RAB31: variants seen among roughly 807,000 people sequenced by gnomAD.
The protein encoded by RAB31 is RAB31, member RAS oncogene family.
RAB31 carries 21 observed loss-of-function variants against 25.6 expected under a neutral mutation model. The ratio of observed to expected loss-of-function variants is 0.82; its 90% CI spans 0.58 to 1.18. RAB31 has a LOEUF of 1.18. Among genes scored for constraint, RAB31 ranks in the 50% most tolerant of loss-of-function variants. The pLI is 0.00. For synonymous variants in RAB31, 87 were observed against 84.0 expected (o/e 1.04, Z -0.20); for missense variants, 196 against 250.1 (o/e 0.78, Z 1.46).
chr18:9,808,868 G>C (rs1174973694), intron 3 of RAB31, among the ~76,000 whole-genome samples: 1 of 152,190 alleles, frequency 6.6e-6, no homozygotes, highest in East Asian at 1.9e-4. Context: ...GTGCTTGTTG[G>C]GAAACTTCAT....
intron 3 of RAB31, among the ~76,000 whole-genome samples, chr18:9,803,120 C>A (rs1359634442): frequency 6.6e-6 from 1 of 152,156 alleles, no homozygotes; most frequent in Non-Finnish European, 1.5e-5. Flanking sequence ...CACCAGCCCA[C>A]GATAGAACGT....
chr18:9,856,239 T>C (rs1412701218), intron 6 of RAB31: 6 of 152,202 alleles, frequency 3.9e-5, no homozygotes, highest in African/African-American at 1.4e-4. Flanking sequence ...GGGAGTCTTC[T>C]TGAGACAGAG....
intron 6 of RAB31, among the ~76,000 whole-genome samples, chr18:9,846,175 C>G (rs1028867308): frequency 1.3e-5 from 2 of 152,164 alleles, no homozygotes; most frequent in Admixed American, 6.5e-5. Context: ...TTGGCGTGTA[C>G]AGGTACCCCA....
At chr18:9,748,142 G>A (rs2068215001) in intron 1 of RAB31, among the ~76,000 whole-genome samples, 1 of 152,152 alleles carries the variant, frequency 6.6e-6, no homozygotes, top group Non-Finnish European at 1.5e-5. Context: ...ATTAGGTGAT[G>A]GTCATTCTAA....
intron 1 of RAB31, among the ~76,000 whole-genome samples, chr18:9,711,824 TA>T: frequency 1.3e-5 from 2 of 152,350 alleles, no homozygotes; most frequent in East Asian, 3.9e-4. Flanking sequence ...ATAGACTTCA[TA>T]ACAAAATATC....
intron 1 of RAB31, among the ~76,000 whole-genome samples, chr18:9,772,564 G>A (rs1185566396): frequency 6.6e-6 from 1 of 152,226 alleles, no homozygotes; most frequent in Admixed American, 6.5e-5. Flanking sequence ...GAAAGGGAGG[G>A]TTTGGGGAAT....
At chr18:9,754,937 A>T (rs2068253508) in intron 1 of RAB31, among the ~76,000 whole-genome samples, 1 of 152,190 alleles carries the variant, frequency 6.6e-6, no homozygotes, top group African/African-American at 2.4e-5. Flanking sequence ...GGCACTTGTC[A>T]CAGGATTGCA....
rs549479804 is a variant in RAB31 at position 9,777,559 on chromosome 18, G to C, written c.119+2202G>C. 2.2e-4 allele frequency among the ~76,000 whole-genome samples: 33 copies of C among 152,186 alleles called. 2 individuals are homozygous for C. The South Asian group carries it at 5.8e-3, about 27-fold the overall frequency. On this transcript the variant is annotated intron_variant, in intron 2 of 6. Transcript: ENST00000578921. ...GAAGAAATTGGTTTCACTCTGCTCT[G>C]AATGTACTTTTTTCTCTCTCTCTCT...
chr18:9,844,650 A>G (rs1329493749), intron 5 of RAB31: 1 of 152,198 alleles, frequency 6.6e-6, no homozygotes, highest in Non-Finnish European at 1.5e-5. Context: ...ACTGGCATGC[A>G]GCAGCTGCTG....
intron 1 of RAB31, among the ~76,000 whole-genome samples, chr18:9,744,403 A>G (rs1379705068): frequency 6.6e-6 from 1 of 152,114 alleles, no homozygotes; most frequent in Non-Finnish European, 1.5e-5. Flanking sequence ...CTCCATATAT[A>G]CTTATGCTTC....
At chr18:9,718,688 C>T (rs1443505315) in intron 1 of RAB31, among the ~76,000 whole-genome samples, 2 of 152,150 alleles carry the variant, frequency 1.3e-5, no homozygotes, top group Non-Finnish European at 2.9e-5. Flanking sequence ...AAATGTATTT[C>T]CTTCAGTTCT....
chr18:9,772,869 T>C (rs1470084371), intron 1 of RAB31, among the ~76,000 whole-genome samples: 1 of 151,864 alleles, frequency 6.6e-6, no homozygotes, highest in Non-Finnish European at 1.5e-5. Context: ...AAGGATTTGC[T>C]CCTCCACAGG....
At chr18:9,826,577 C>T (rs1413528989) in intron 5 of RAB31, among the ~76,000 whole-genome samples, 2 of 152,170 alleles carry the variant, frequency 1.3e-5, no homozygotes, top group Non-Finnish European at 2.9e-5. Context: ...TGAGGCTACC[C>T]TATTTAGCTT....
At chr18:9,808,897 C>T (rs1313353617) in intron 3 of RAB31, among the ~76,000 whole-genome samples, 3 of 152,224 alleles carry the variant, frequency 2.0e-5, no homozygotes, top group Admixed American at 2.0e-4. Flanking sequence ...CACCACTGCT[C>T]ATTCCCAACT....
rs189724629 is a variant in RAB31, at chr18:9,820,285, A to G, written c.380+5063A>G. ...GTTGGATTTTTTCAAAAAACTTTTT[A>G]CATATGTAATTATATGTTAATTGAT... On this transcript the variant is annotated intron_variant, in intron 5 of 6. Transcript: ENST00000578921. 4.6e-5 allele frequency among the ~76,000 whole-genome samples: 7 copies of G among 152,192 alleles called. No homozygotes were observed. In the East Asian group the frequency reaches 1.3e-3, roughly 29 times the overall value.
intron 1 of RAB31, among the ~76,000 whole-genome samples, chr18:9,713,505 T>A (rs1289637857): frequency 6.6e-6 from 1 of 152,208 alleles, no homozygotes; most frequent in African/African-American, 2.4e-5. Context: ...CACTGTGTCT[T>A]ATGCACCCAT....
intron 3 of RAB31, among the ~76,000 whole-genome samples, chr18:9,794,054 G>A (rs1004743106): frequency 1.4e-4 from 21 of 152,078 alleles, no homozygotes; most frequent in African/African-American, 4.8e-4. Context: ...CACCACTCTG[G>A]GGTAATTTTT....
At chr18:9,773,790 C>G (rs903983750) in intron 1 of RAB31, among the ~76,000 whole-genome samples, 1 of 152,170 alleles carries the variant, frequency 6.6e-6, no homozygotes, top group East Asian at 1.9e-4. Context: ...TCCCAAGTAG[C>G]TGGGACTACA....
intron 3 of RAB31, among the ~76,000 whole-genome samples, chr18:9,812,816 G>A (rs2068580822): frequency 6.7e-6 from 1 of 148,738 alleles, no homozygotes; most frequent in Admixed American, 6.9e-5. Flanking sequence ...TCCTGCCTCA[G>A]CCTCCCAAGT....
Sources: allele counts gnomAD v4.1 joint callset (sites outside exome capture counted in the v4.1 genomes callset), GRCh38; gene constraint gnomAD v4.1.1; transcripts MANE v1.5; gene names NCBI Gene and HGNC (gene_info 2026-07-23, HGNC 2026-07-21).